NUP42: variants seen among roughly 807,000 people sequenced by gnomAD.
NUP42 encodes nucleoporin NUP42.
A neutral mutation model predicts 35.9 loss-of-function variants in NUP42; 47 were observed. The ratio of observed to expected loss-of-function variants is 1.31; its 90% CI spans 1.04 to 1.67. The LOEUF (loss-of-function observed/expected upper bound fraction) is 1.67, where lower values mean the gene tolerates loss of function less well. Among genes scored for constraint, NUP42 ranks in the 40% most tolerant of loss-of-function variants. The probability of loss-of-function intolerance (pLI) is 0.00; values close to 1 mark genes in which losing one functional copy is unlikely to be tolerated. For missense variants in NUP42, 514 were observed against 492.2 expected (o/e 1.04, Z -0.42); for synonymous variants, 173 against 173.3 (o/e 1.00, Z 0.01).
chr7:23,193,476 G>C (rs1165246205), intron 3 of NUP42, among the ~76,000 whole-genome samples: 1 of 152,158 alleles, frequency 6.6e-6, no homozygotes, highest in Non-Finnish European at 1.5e-5. Flanking sequence ...GGTTCTCCAA[G>C]TCCCAACCAG....
chr7:23,182,369 TATCTACATATTATTCATGTGGTCCG>T, intron 1 of NUP42, 163 bp downstream of exon 1: 1 of 1,430,152 alleles, frequency 7.0e-7, no homozygotes, highest in Non-Finnish European at 9.1e-7. Context: ...CCGAGGGTTT[TATCTACATATTATTCATGTGGTCCG>T]TTTTTATTGA....
intron 5 of NUP42, chr7:23,198,410 C>T (rs146413463): frequency 0.056 from 8,452 of 151,712 alleles, 289 homozygotes; most frequent in South Asian, 0.1. Flanking sequence ...GGGATTTCAC[C>T]ATGTTAGCCA....
Position 23,200,449 on chromosome 7 carries a change from G to C in NUP42, c.976G>C (p.Gly326Arg), listed in dbSNP as rs753518076. Residue 326 changes from glycine (G) to arginine (R), a missense_variant, in exon 7 of 7, where the codon GGT becomes CGT. By Grantham distance (125) the Gly-to-Arg change is moderately radical. Transcript: ENST00000258742. ...AGGACTTCCAGCTTCCTTGGCAACAGGTCCTGTCAGAGCTCCAGTGGCCCC... is the reference window on the plus strand; with the variant it reads ...AGGACTTCCAGCTTCCTTGGCAACACGTCCTGTCAGAGCTCCAGTGGCCCC... ...FSGLPASLAT[G>R]PVRAPVAPAF... 3.7e-6 allele frequency: 6 copies of C among 1,614,216 alleles called. No individual in the cohort carries two copies. The highest frequency in any genetic ancestry group is 5.1e-6 in the Non-Finnish European group (6 of 1,180,042).
At chr7:23,182,839 G>C (rs1418081963) in intron 1 of NUP42, among the ~76,000 whole-genome samples, 2 of 150,496 alleles carry the variant, frequency 1.3e-5, no homozygotes, top group Non-Finnish European at 3.0e-5. Flanking sequence ...GCTTGAACCC[G>C]GGAGGTGGAG....
At chr7:23,196,489 G>T in intron 4 of NUP42, 191 bp from the exon 5 acceptor site, 1 of 531,484 alleles carries the variant, frequency 1.9e-6, no homozygotes, top group Non-Finnish European at 3.4e-6. Flanking sequence ...GGAGTTGAAC[G>T]GGAGAGGGAA....
At chr7:23,183,055 A>G (rs778852432) in intron 1 of NUP42, among the ~76,000 whole-genome samples, 2 of 152,124 alleles carry the variant, frequency 1.3e-5, no homozygotes, top group Non-Finnish European at 2.9e-5. Flanking sequence ...GGAGGTGAGG[A>G]AAGGAGATGC....
At chr7:23,199,019 T>C (rs1035745977) in intron 5 of NUP42, among the ~76,000 whole-genome samples, 5 of 152,262 alleles carry the variant, frequency 3.3e-5, no homozygotes, top group Non-Finnish European at 1.5e-5. Flanking sequence ...GTTGTGATTA[T>C]ACTGTTTATA....
chr7:23,185,105 A>G lies in NUP42; in HGVS notation c.157A>G (p.Arg53Gly). 1 of 1,614,124 alleles carries G rather than the reference A, an allele frequency of 6.2e-7. No homozygotes were observed. Among genetic ancestry groups the G allele is most frequent in the Non-Finnish European group, 8.5e-7 (1 of 1,179,966 alleles). ...ACGTGGATGGAATACAACTAGCCAG[A>G]GATATTCCAATGTCATCCAGCCATC... Reference protein sequence around the residue: ...NRRGWNTTSQRYSNVIQPSSF... With the variant: ...NRRGWNTTSQGYSNVIQPSSF... The change falls in exon 2 of 7, where the codon AGA becomes GGA. Residue 53 changes from arginine to glycine, a missense_variant. Transcript: ENST00000258742.
chr7:23,200,360 C>T lies in NUP42; in HGVS notation c.887C>T (p.Thr296Ile), dbSNP rs1421394590. Residue 296 changes from threonine (T) to isoleucine (I), a missense_variant, in exon 7 of 7, where the codon ACA becomes ATA. Physicochemically the swap from Thr to Ile is moderately conservative, Grantham distance 89 (BLOSUM62 -1). Transcript: ENST00000258742. ...PAFGFGKPEV[T>I]SAASFSFKSP... ...TTTGGATTTGGGAAGCCTGAAGTCA[C>T]ATCGGCTGCATCATTTTCATTCAAA... 1 of 1,613,312 alleles carries T rather than the reference C, an allele frequency of 6.2e-7. No homozygotes were observed. The highest frequency in any genetic ancestry group is 1.7e-5 in the Admixed American group (1 of 59,876).
chr7:23,187,981 A>G, intron 3 of NUP42: 3 of 795,666 alleles, frequency 3.8e-6, no homozygotes, highest in Admixed American at 3.0e-5. Context: ...GCTTTAGAAT[A>G]TTCTCTCTCT....
intron 1 of NUP42, among the ~76,000 whole-genome samples, chr7:23,183,647 T>C (rs1176603791): frequency 1.3e-5 from 2 of 151,720 alleles, no homozygotes; most frequent in Admixed American, 6.6e-5. Flanking sequence ...TTAGGACTCA[T>C]GTCTGATGAA....
intron 1 of NUP42, among the ~76,000 whole-genome samples, chr7:23,183,441 G>T (rs1056857514): frequency 2.0e-5 from 3 of 151,950 alleles, no homozygotes; most frequent in Admixed American, 2.0e-4. Flanking sequence ...TACCGGTCTC[G>T]AACTCGTGAC....
intron 3 of NUP42, chr7:23,194,669 GT>G (rs1304488490): frequency 1.6e-4 from 24 of 148,022 alleles, no homozygotes; most frequent in South Asian, 4.9e-4. Flanking sequence ...CTGTAATCCA[GT>G]TTTTTTTGTT....
Position 23,182,742 on chromosome 7 carries a change from CAAAAAAA to C in NUP42, c.121+553_121+559del, listed in dbSNP as rs60397960. On this transcript the variant is annotated intron_variant, in intron 1 of 6. Transcript: ENST00000258742. ...GAAACACCGTCTTTACTAAAAATAC[CAAAAAAA>C]AAAAAAAAAAAAAAAATAGCCGGGC... Among the ~76,000 whole-genome samples, 108 of 74,140 alleles carry C rather than the reference CAAAAAAA, an allele frequency of 1.5e-3. 2 individuals carry two copies. In the South Asian group the frequency reaches 0.028, roughly 19 times the overall value. The allele number at this position is 74,140 out of a possible 152,430, so 48.6% of individuals were successfully genotyped here. A position where few individuals can be genotyped will look rare whatever the true frequency, so the allele number is the denominator to read the frequency against.
intron 1 of NUP42, among the ~76,000 whole-genome samples, chr7:23,184,187 A>G (rs1238851668): frequency 6.6e-6 from 1 of 152,200 alleles, no homozygotes; most frequent in Non-Finnish European, 1.5e-5. Flanking sequence ...TTCTGTACAC[A>G]TGTAAATACC....
chr7:23,187,257 G>A, intron 3 of NUP42, 111 bp downstream of exon 3: 2 of 692,432 alleles, frequency 2.9e-6, no homozygotes, highest in Non-Finnish European at 4.9e-6. Context: ...AACTAGGAGA[G>A]TTTGGGCATT....
intron 5 of NUP42, among the ~76,000 whole-genome samples, chr7:23,197,898 A>C (rs1014624585): frequency 1.3e-5 from 2 of 152,230 alleles, no homozygotes; most frequent in South Asian, 4.1e-4. Context: ...GGAAAAGACA[A>C]GTCTCATTTG....
At chr7:23,197,986 C>A (rs1011504207) in intron 5 of NUP42, among the ~76,000 whole-genome samples, 1 of 152,018 alleles carries the variant, frequency 6.6e-6, no homozygotes, top group African/African-American at 2.4e-5. Flanking sequence ...CAGTGGCTCA[C>A]GCCTGTAATC....
intron 2 of NUP42, among the ~76,000 whole-genome samples, chr7:23,186,345 C>A (rs1033895600): frequency 2.0e-5 from 3 of 152,010 alleles, no homozygotes; most frequent in African/African-American, 7.2e-5. Flanking sequence ...AATGAGCAAA[C>A]AAAACCTTCC....
Sources: gnomAD v4.1 joint callset for allele counts (sites outside exome capture counted in the v4.1 genomes callset) on GRCh38, gnomAD v4.1.1 for gene constraint, MANE v1.5 for transcripts, NCBI Gene and HGNC (gene_info 2026-07-23, HGNC 2026-07-21) for gene names.